HEMK1: variants seen among roughly 807,000 people sequenced by gnomAD.
HEMK1 encodes MTRF1L release factor glutamine methyltransferase.
Under a neutral mutation model 47.9 loss-of-function variants are expected in HEMK1, and 36 were observed. That is an observed-to-expected ratio of 0.75 (90% CI 0.58 to 0.99). HEMK1 has a LOEUF of 0.99. Among genes scored for constraint, HEMK1 ranks in the 50% least tolerant of loss-of-function variants. The pLI is 0.00. For synonymous variants in HEMK1, 153 were observed against 165.4 expected (o/e 0.93, Z 0.57); for missense variants, 383 against 434.5 (o/e 0.88, Z 1.05).
rs147659253 is a variant in HEMK1 at position 50,585,825 on chromosome 3, A to G, written c.*5408A>G. On this transcript the variant is annotated 3_prime_UTR_variant, in exon 11 of 11. Coordinates refer to ENST00000232854, the MANE Select transcript of HEMK1 (RefSeq NM_016173.5). Reference sequence around the variant, plus strand: ...TTTTTCCCAGAGAGGGATGGGGCTTACTTGAAGTAACACAGCACTTGACTC... The same window carrying G: ...TTTTTCCCAGAGAGGGATGGGGCTTGCTTGAAGTAACACAGCACTTGACTC... The G allele has an allele frequency of 6.6e-6, 1 of 152,358 alleles. No homozygotes were observed. The highest frequency in any genetic ancestry group is 1.9e-4 in the East Asian group (1 of 5,194). The allele number at this position is 152,358 out of a possible 1,614,324, so 9.4% of individuals were successfully genotyped here.
At chr3:50,574,986 G>A (rs1171625256) in intron 4 of HEMK1, among the ~76,000 whole-genome samples, 1 of 152,192 alleles carries the variant, frequency 6.6e-6, no homozygotes, top group Non-Finnish European at 1.5e-5. Flanking sequence ...CCCAGCACTG[G>A]GGAACTTATG....
rs886109548 is a variant in HEMK1, at chr3:50,584,185, C to T, written c.*3768C>T. The T allele has an allele frequency of 2.0e-5, 3 of 152,244 alleles. No homozygotes were observed. Among genetic ancestry groups the T allele is most frequent in the Admixed American group, 6.5e-5 (1 of 15,290 alleles). The allele number at this position is 152,244 out of a possible 1,614,324, so 9.4% of individuals were successfully genotyped here. ...TGTCCTTGGCGGCAGTAGGAGCAGG[C>T]GCCAGGTTTCCTGGAGCTCTTGGCT... On this transcript the variant is annotated 3_prime_UTR_variant, in exon 11 of 11. Transcript: ENST00000232854.
At chr3:50,573,089 C>T (rs149210822) in intron 4 of HEMK1, among the ~76,000 whole-genome samples, 142 of 152,372 alleles carry the variant, frequency 9.3e-4, no homozygotes, top group Middle Eastern at 3.4e-3. Flanking sequence ...AGCCAAGAAA[C>T]TCTCTGACCC....
chr3:50,577,256 C>T, intron 5 of HEMK1, 70 bp downstream of exon 5: 3 of 1,526,188 alleles, frequency 2.0e-6, no homozygotes, highest in South Asian at 2.4e-5. Flanking sequence ...GTGCTTCCCC[C>T]ACATCCCTCT....
intron 5 of HEMK1, 107 bp from the exon 6 acceptor site, chr3:50,577,402 T>G: frequency 8.1e-7 from 1 of 1,229,234 alleles, no homozygotes; most frequent in Non-Finnish European, 1.2e-6. Context: ...TGTTGGGTAT[T>G]TCCCTTCTCT....
In HEMK1 at chr3:50,590,771, C is replaced by T. The variant is rs989037545; in HGVS notation, c.*10354C>T. 6.6e-6 allele frequency: 1 copy of T among 152,144 alleles called. No homozygotes were observed. Among genetic ancestry groups the T allele is most frequent in the Non-Finnish European group, 1.5e-5 (1 of 68,038 alleles). The allele number at this position is 152,144 out of a possible 1,614,324, so 9.4% of individuals were successfully genotyped here. On this transcript the variant is annotated 3_prime_UTR_variant, in exon 11 of 11. Transcript: ENST00000232854. ...TCCTGAAAGGTCCTTGGGAGCCCCACCAGGCTCCAGTGTGGTTGCCCCAAG... is the reference window on the plus strand; with the variant it reads ...TCCTGAAAGGTCCTTGGGAGCCCCATCAGGCTCCAGTGTGGTTGCCCCAAG...
chr3:50,579,005 C>G (rs1462733202), intron 8 of HEMK1, 79 bp downstream of exon 8: 1 of 1,058,392 alleles, frequency 9.4e-7, no homozygotes, highest in Admixed American at 2.1e-5. Context: ...ACCACACCAT[C>G]TGGAGGGACA....
At position 50,583,375 on chromosome 3, in the gene HEMK1, A is replaced by T. The variant is rs1057144408; in HGVS notation, c.*2958A>T. 1.3e-5 allele frequency: 2 copies of T among 152,106 alleles called. No individual in the cohort carries two copies. The highest frequency in any genetic ancestry group is 1.9e-4 in the East Asian group (1 of 5,180). 9.4% of individuals were successfully genotyped at this position (152,106 alleles called of 1,614,324 possible). On this transcript the variant is annotated 3_prime_UTR_variant, in exon 11 of 11. Coordinates refer to ENST00000232854, the MANE Select transcript of HEMK1 (RefSeq NM_016173.5). ...GCTGCTCCCAATCCTTGCCCCAAAC[A>T]CTTAGCTGGCTCCCCATGACTTAAG...
intron 4 of HEMK1, among the ~76,000 whole-genome samples, chr3:50,575,375 A>G (rs1701467027): frequency 6.6e-6 from 1 of 151,952 alleles, no homozygotes; most frequent in South Asian, 2.1e-4. Flanking sequence ...GTGAGCCAAG[A>G]TCGCGCCATT....
rs913540617 is a variant in HEMK1, at chr3:50,596,152, A to G, written c.*15735A>G. The stretch of plus-strand genomic sequence containing the variant: ...AACATACAAGTGATCAATTTCCAAT[A>G]AATTGATTAAAGAATTCATGTGCAT... On this transcript the variant is annotated 3_prime_UTR_variant, in exon 11 of 11. Transcript: ENST00000232854. The G allele has an allele frequency of 6.6e-6, 1 of 152,204 alleles. No homozygotes were observed. Among genetic ancestry groups the G allele is most frequent in the African/African-American group, 2.4e-5 (1 of 41,440 alleles). The allele number at this position is 152,204 out of a possible 1,614,324, so 9.4% of individuals were successfully genotyped here.
In HEMK1 at chr3:50,580,872, A is replaced by ACC; in HGVS notation, c.*455_*456insCC. On this transcript the variant is annotated 3_prime_UTR_variant, in exon 11 of 11. Coordinates refer to ENST00000232854, the MANE Select transcript of HEMK1 (RefSeq NM_016173.5). ...CCTTGGATACCATGGGTCCTGGCAT[A>ACC]GAGCAGCTCACTCCCAGGGATTGAT... 3 of 197,610 alleles carry ACC rather than the reference A, an allele frequency of 1.5e-5. No individual in the cohort carries two copies. The highest frequency in any genetic ancestry group is 5.4e-5 in the Admixed American group (1 of 18,402). 12.2% of individuals were successfully genotyped at this position (197,610 alleles called of 1,614,324 possible).
rs745840749 is a variant in HEMK1 at position 50,577,860 on chromosome 3, C to G, written c.649C>G (p.Leu217Val). The G allele has an allele frequency of 6.2e-7, 1 of 1,614,142 alleles. No homozygotes were observed. Among genetic ancestry groups the G allele is most frequent in the Non-Finnish European group, 8.5e-7 (1 of 1,180,020 alleles). ...RLQDRIWIIHLDMTSERSWTH... is the reference protein window; with the variant it reads ...RLQDRIWIIHVDMTSERSWTH... The stretch of plus-strand genomic sequence containing the variant: ...GCAGGACAGGATTTGGATCATCCAC[C>G]TCGACATGACCTCAGGTACCCTCCC... The change falls in exon 7 of 11, where the codon CTC becomes GTC. Residue 217 changes from leucine to valine, a missense_variant. Leu to Val is a conservative substitution (Grantham distance 32). Transcript: ENST00000232854.
At chr3:50,577,429 A>G (rs1335080593) in intron 5 of HEMK1, 80 bp from the exon 6 acceptor site, 3 of 1,395,216 alleles carry the variant, frequency 2.2e-6, no homozygotes, top group Non-Finnish European at 3.1e-6. Flanking sequence ...GGGGGGTTGG[A>G]GGAGGGTCCC....
At chr3:50,577,016 G>T (rs1701663127) in intron 4 of HEMK1, 36 bp from the exon 5 acceptor site, 1 of 1,612,142 alleles carries the variant, frequency 6.2e-7, no homozygotes. Flanking sequence ...GAGCCACGTT[G>T]GCACCGACTC....
In HEMK1 at chr3:50,591,698, T is replaced by TGTGTG. The variant is rs1198751147; in HGVS notation, c.*11281_*11282insGTGTG. The TGTGTG allele has an allele frequency of 9.4e-5, 7 of 74,772 alleles. No homozygotes were observed. Among genetic ancestry groups the TGTGTG allele is most frequent in the Admixed American group, 2.9e-4 (2 of 6,964 alleles). 4.6% of individuals were successfully genotyped at this position (74,772 alleles called of 1,614,324 possible). A position where few individuals can be genotyped will look rare whatever the true frequency, so the allele number is the denominator to read the frequency against. On this transcript the variant is annotated 3_prime_UTR_variant, in exon 11 of 11. Coordinates refer to ENST00000232854, the MANE Select transcript of HEMK1 (RefSeq NM_016173.5). ...TGTGTGTGTGTGTGTGTGTGTGTGTTTGTGTGTGTGTGGTGTTACTCTGCC... is the reference window on the plus strand; with the variant it reads ...TGTGTGTGTGTGTGTGTGTGTGTGTTGTGTGTGTGTGTGTGTGGTGTTACTCTGCC...
chr3:50,578,737 G>A, intron 7 of HEMK1, 84 bp from the exon 8 acceptor site: 3 of 888,036 alleles, frequency 3.4e-6, no homozygotes, highest in Non-Finnish European at 5.4e-6. Context: ...GGCATGGTGA[G>A]AGGGACATGG....
chr3:50,578,290 C>T (rs192768206), intron 7 of HEMK1, among the ~76,000 whole-genome samples: 15 of 152,336 alleles, frequency 9.8e-5, no homozygotes, highest in African/African-American at 3.4e-4. Context: ...TACAGTGTCT[C>T]CAGGCCTCCA....
At chr3:50,576,389 T>C (rs1243785818) in intron 4 of HEMK1, among the ~76,000 whole-genome samples, 2 of 152,224 alleles carry the variant, frequency 1.3e-5, no homozygotes, top group Non-Finnish European at 2.9e-5. Flanking sequence ...ACAGGAACTA[T>C]CAGGTATGGT....
rs2031734117 is a variant in HEMK1, at chr3:50,591,698, TTG to T, written c.*11292_*11293del. 1.4e-5 allele frequency: 1 copy of T among 71,728 alleles called. No individual in the cohort carries two copies. The highest frequency in any genetic ancestry group is 2.9e-5 in the Non-Finnish European group (1 of 34,648). The allele number at this position is 71,728 out of a possible 1,614,324, so 4.4% of individuals were successfully genotyped here. A position where few individuals can be genotyped will look rare whatever the true frequency, so the allele number is the denominator to read the frequency against. The stretch of plus-strand genomic sequence containing the variant: ...TGTGTGTGTGTGTGTGTGTGTGTGT[TTG>T]TGTGTGTGTGGTGTTACTCTGCCTC... On this transcript the variant is annotated 3_prime_UTR_variant, in exon 11 of 11. Coordinates refer to ENST00000232854, the MANE Select transcript of HEMK1 (RefSeq NM_016173.5).
Sources: allele counts gnomAD v4.1 joint callset (sites outside exome capture counted in the v4.1 genomes callset), GRCh38; gene constraint gnomAD v4.1.1; transcripts MANE v1.5; gene names NCBI Gene and HGNC (gene_info 2026-07-23, HGNC 2026-07-21).